The following LYPLA1 variants were observed in gnomAD, a reference collection of about 807,000 sequenced individuals.
The protein encoded by LYPLA1 is acyl-protein thioesterase 1.
LYPLA1 carries 17 observed loss-of-function variants against 34.0 expected under a neutral mutation model. The observed-to-expected ratio is 0.50, with a 90% CI of 0.34 to 0.75. The LOEUF (loss-of-function observed/expected upper bound fraction) is 0.75, where lower values mean the gene tolerates loss of function less well. Among genes scored for constraint, LYPLA1 ranks in the 30% least tolerant of loss-of-function variants. The pLI, the probability that LYPLA1 is intolerant of heterozygous loss-of-function variation, is 0.01. For missense variants in LYPLA1, 203 were observed against 288.8 expected (o/e 0.70, Z 2.15); for synonymous variants, 98 against 100.8 (o/e 0.97, Z 0.17).
chr8:54,089,089 G>A (rs979375973), intron 2 of LYPLA1, among the ~76,000 whole-genome samples: 1 of 152,160 alleles, frequency 6.6e-6, no homozygotes, highest in African/African-American at 2.4e-5. Context: ...ATGAATGTTG[G>A]GTTTCTTTTG....
At chr8:54,098,666 G>A (rs1809874098) in intron 2 of LYPLA1, among the ~76,000 whole-genome samples, 1 of 152,238 alleles carries the variant, frequency 6.6e-6, no homozygotes, top group Non-Finnish European at 1.5e-5. Context: ...GGGTGACAGA[G>A]TGAGACTCCA....
chr8:54,044,119 C>T (rs1173044211), downstream of LYPLA1, among the ~76,000 whole-genome samples: 2 of 152,014 alleles, frequency 1.3e-5, no homozygotes, highest in Non-Finnish European at 2.9e-5. Flanking sequence ...CTCTTAACTC[C>T]TACCTTCAAC....
intron 7 of LYPLA1, among the ~76,000 whole-genome samples, chr8:54,051,523 C>T (rs1805842695): frequency 6.6e-6 from 1 of 152,168 alleles, no homozygotes; most frequent in Admixed American, 6.5e-5. Context: ...TCTCAGCTCA[C>T]TGCAACCTCT....
intron 2 of LYPLA1, among the ~76,000 whole-genome samples, chr8:54,076,860 T>C (rs1807944065): frequency 6.6e-6 from 1 of 151,966 alleles, no homozygotes; most frequent in Admixed American, 6.6e-5. Flanking sequence ...TTGCTGTTAA[T>C]AAACATGTGG....
chr8:54,081,159 C>A (rs1292638366), intron 2 of LYPLA1, among the ~76,000 whole-genome samples: 1 of 152,182 alleles, frequency 6.6e-6, no homozygotes, highest in Non-Finnish European at 1.5e-5. Flanking sequence ...AGAGTTGCCT[C>A]TCAATTATTC....
chr8:54,077,523 C>T (rs535679488), intron 2 of LYPLA1, among the ~76,000 whole-genome samples: 99 of 152,214 alleles, frequency 6.5e-4, no homozygotes, highest in African/African-American at 2.2e-3. Context: ...AGTCTGGGCA[C>T]GGTGGCTCAC....
At chr8:54,050,202 ATACAT>A (rs1436703981) in intron 8 of LYPLA1, among the ~76,000 whole-genome samples, 2 of 152,214 alleles carry the variant, frequency 1.3e-5, no homozygotes, top group African/African-American at 2.4e-5. Context: ...ATTGATCTCA[ATACAT>A]TAAACTCAGT....
chr8:54,077,103 C>T (rs992549824), intron 2 of LYPLA1, among the ~76,000 whole-genome samples: 3 of 152,104 alleles, frequency 2.0e-5, no homozygotes, highest in South Asian at 4.2e-4. Flanking sequence ...TACCCATCAG[C>T]GGCAAACGGG....
chr8:54,051,685 G>A (rs1805852623), intron 7 of LYPLA1, among the ~76,000 whole-genome samples: 1 of 152,038 alleles, frequency 6.6e-6, no homozygotes, highest in South Asian at 2.1e-4. Context: ...TCCTGACCTT[G>A]TGATCCACCT....
chr8:54,043,265 C>A (rs1420492801), downstream of LYPLA1: 5 of 152,190 alleles, frequency 3.3e-5, no homozygotes, highest in African/African-American at 1.2e-4. Flanking sequence ...ATTTTTTGAA[C>A]CTTTTTTCAA....
chr8:54,099,432 C>T (rs1563681975), intron 2 of LYPLA1, among the ~76,000 whole-genome samples: 1 of 152,258 alleles, frequency 6.6e-6, no homozygotes, highest in East Asian at 1.9e-4. Flanking sequence ...AATCCCAGCA[C>T]TTTGGGAGGC....
intron 1 of LYPLA1, chr8:54,101,547 G>A (rs1016384850): frequency 2.6e-6 from 3 of 1,146,552 alleles, no homozygotes; most frequent in African/African-American, 1.6e-5. Flanking sequence ...GGGAGGAGCT[G>A]GGGACTGGCC....
chr8:54,064,516 G>C (rs1410653903), intron 3 of LYPLA1, among the ~76,000 whole-genome samples: 1 of 152,198 alleles, frequency 6.6e-6, no homozygotes, highest in Non-Finnish European at 1.5e-5. Context: ...TAGCCTAGAG[G>C]TAAGACAGAC....
chr8:54,054,114 G>C (rs1014334893), intron 6 of LYPLA1, among the ~76,000 whole-genome samples: 4 of 152,096 alleles, frequency 2.6e-5, no homozygotes, highest in African/African-American at 7.2e-5. Flanking sequence ...CGGAGTAGCT[G>C]GAGTTACAGA....
rs751955533 is a variant in LYPLA1 at position 54,063,380 on chromosome 8, A to G, written c.168-5T>C. On this transcript the variant is annotated splice_polypyrimidine_tract_variant and splice_region_variant and intron_variant, in intron 3 of 8. Transcript: ENST00000316963. ...AATGTAACAGGCCTAACAGGCCTAC[A>G]TGGAAAAGAAAAAACAACAAAATCA... is the stretch of plus-strand genomic sequence containing the variant. The G allele has an allele frequency of 1.6e-5, 25 of 1,526,506 alleles. No individual in the cohort carries two copies. Among genetic ancestry groups the G allele is most frequent in the Non-Finnish European group, 1.9e-5 (21 of 1,132,010 alleles). 94.6% of individuals were successfully genotyped at this position (1,526,506 alleles called of 1,614,324 possible).
chr8:54,052,006 A>C (rs929298004), intron 7 of LYPLA1, among the ~76,000 whole-genome samples: 4 of 151,858 alleles, frequency 2.6e-5, no homozygotes, highest in African/African-American at 9.7e-5. Context: ...GTGCACCACG[A>C]CGCCCAGCTA....
intron 2 of LYPLA1, among the ~76,000 whole-genome samples, chr8:54,086,365 T>C (rs1808764969): frequency 7.0e-6 from 1 of 143,640 alleles, no homozygotes; most frequent in Non-Finnish European, 1.5e-5. Flanking sequence ...TTCCCTCCAC[T>C]ATTGTCCTAT....
At chr8:54,052,524 G>C in intron 7 of LYPLA1, 131 bp downstream of exon 7, 1 of 619,888 alleles carries the variant, frequency 1.6e-6, no homozygotes, top group Non-Finnish European at 2.9e-6. Flanking sequence ...GCTCAGTTTT[G>C]CTGTGAATTT....
intron 5 of LYPLA1, among the ~76,000 whole-genome samples, chr8:54,056,988 C>G (rs1806250349): frequency 6.6e-6 from 1 of 152,096 alleles, no homozygotes; most frequent in African/African-American, 2.4e-5. Context: ...AAATGGCAAA[C>G]AGGCATATGA....
Sources: gnomAD v4.1 joint callset for allele counts (sites outside exome capture counted in the v4.1 genomes callset) on GRCh38, gnomAD v4.1.1 for gene constraint, MANE v1.5 for transcripts, NCBI Gene and HGNC (gene_info 2026-07-23, HGNC 2026-07-21) for gene names.